Variants in OGFR observed in about 807,000 individuals in gnomAD.
OGFR encodes protein 7-60.
OGFR carries 18 observed loss-of-function variants against 33.6 expected under a neutral mutation model. That is an observed-to-expected ratio of 0.54 (90% CI 0.37 to 0.80). The LOEUF is 0.80. Ranked by LOEUF, OGFR falls within the 30% of genes least tolerant of loss-of-function variation. The probability of loss-of-function intolerance (pLI) is 0.00; values close to 1 mark genes in which losing one functional copy is unlikely to be tolerated. For missense variants in OGFR, 877 were observed against 955.8 expected (o/e 0.92, Z 1.09); for synonymous variants, 370 against 400.7 (o/e 0.92, Z 0.91).
rs1990760218 is a variant in OGFR at position 62,812,653 on chromosome 20, G to T, written c.1038G>T (p.Gln346His). 1 of 1,562,594 alleles carries T rather than the reference G, an allele frequency of 6.4e-7. No individual in the cohort carries two copies. Among genetic ancestry groups the T allele is most frequent in the East Asian group, 2.4e-5 (1 of 41,826 alleles). Reference sequence around the variant, plus strand: ...GGGGCAGGGTGGACGAGGGGCCCCAGCCACGGAGCGTGGAGCCCCAGGATG... The same window carrying T: ...GGGGCAGGGTGGACGAGGGGCCCCATCCACGGAGCGTGGAGCCCCAGGATG... The part of the protein sequence containing the change: ...KGGGRVDEGP[Q>H]PRSVEPQDAG... The change falls in exon 7 of 7, where the codon CAG becomes CAT. Residue 346 changes from glutamine to histidine, a missense_variant. By Grantham distance (24) the Gln-to-His change is conservative. Around this residue, in one of 3 missense-constraint regions of OGFR, gnomAD observed 760 missense variants for 736.0 expected, o/e 1.03. Coordinates refer to ENST00000290291, the MANE Select transcript of OGFR (RefSeq NM_007346.4).
At chr20:62,807,182 G>T in intron 1 of OGFR, 1 of 321,800 alleles carries the variant, frequency 3.1e-6, no homozygotes, top group Non-Finnish European at 5.8e-6. Context: ...AGGCCTAGGA[G>T]GAGGAGAGGG....
intron 2 of OGFR, 78 bp downstream of exon 2, chr20:62,807,683 C>T: frequency 6.9e-7 from 1 of 1,454,118 alleles, no homozygotes; most frequent in Non-Finnish European, 9.5e-7. Context: ...CCAGGTTCTA[C>T]TGGAAGGCTG....
chr20:62,804,872 G>C lies in OGFR; in HGVS notation c.13G>C (p.Asp5His). MDDPDCDSTWEEDEE... is the reference protein window; with the variant it reads MDDPHCDSTWEEDEE... ...GCCGCCGCCGAGCATGGACGACCCC[G>C]ACTGCGACTCCACCTGGGAGGAGGA... The change falls in exon 1 of 7, where the codon GAC (aspartate) becomes CAC (histidine). Residue 5 changes from aspartate (D) to histidine (H), a missense_variant. Physicochemically the swap from Asp to His is moderately conservative, Grantham distance 81. Coordinates refer to ENST00000290291, the MANE Select transcript of OGFR (RefSeq NM_007346.4). 1 of 1,315,150 alleles carries C rather than the reference G, an allele frequency of 7.6e-7. No homozygotes were observed. The highest frequency in any genetic ancestry group is 9.9e-7 in the Non-Finnish European group (1 of 1,009,030). The allele number at this position is 1,315,150 out of a possible 1,614,324, so 81.5% of individuals were successfully genotyped here.
In OGFR at chr20:62,812,845, C is replaced by G. The variant is rs766620602; in HGVS notation, c.1230C>G (p.Ile410Met). Residue 410 changes from isoleucine to methionine, a missense_variant, in exon 7 of 7, where the codon ATC becomes ATG. Transcript: ENST00000290291. ...GPQSASEVEK[I>M]ALNLEGCALS... is the part of the protein sequence containing the mutation. ...AGAGTGCCTCAGAGGTGGAGAAGAT[C>G]GCTCTGAATTTGGAGGGGTGTGCCC... The G allele has an allele frequency of 7.4e-6, 12 of 1,612,664 alleles. No individual in the cohort carries two copies. In the South Asian group the frequency reaches 1.1e-4, roughly 15 times the overall value.
intron 1 of OGFR, chr20:62,806,834 C>G (rs1449526370): frequency 6.5e-6 from 1 of 152,982 alleles, no homozygotes; most frequent in East Asian, 1.9e-4. Flanking sequence ...TACTTCCGGC[C>G]CTTTGCTCAG....
intron 3 of OGFR, 108 bp from the exon 4 acceptor site, chr20:62,809,477 G>A: frequency 1.2e-6 from 1 of 815,244 alleles, no homozygotes; most frequent in Non-Finnish European, 2.1e-6. Context: ...GAATAGCTTG[G>A]GGAAGCTGCT....
chr20:62,812,498 T>G lies in OGFR; in HGVS notation c.883T>G (p.Phe295Val), dbSNP rs1600777382. 1.9e-6 allele frequency: 3 copies of G among 1,580,794 alleles called. No homozygotes were observed. The highest frequency in any genetic ancestry group is 2.7e-5 in the African/African-American group (2 of 73,842). ...GGGGCCCCAAGACAAGCTGCGGAGGTTCAAGCCCAGCTCTCTGCCCCATCC... is the reference window on the plus strand; with the variant it reads ...GGGGCCCCAAGACAAGCTGCGGAGGGTCAAGCCCAGCTCTCTGCCCCATCC... ...VWGPQDKLRR[F>V]KPSSLPHPLE... Residue 295 changes from phenylalanine (F) to valine (V), a missense_variant, in exon 7 of 7, where the codon TTC becomes GTC. Phe to Val is a conservative substitution (Grantham distance 50, BLOSUM62 -1). Coordinates refer to ENST00000290291, the MANE Select transcript of OGFR (RefSeq NM_007346.4).
chr20:62,813,794 T>G lies in OGFR; in HGVS notation c.*145T>G. On this transcript the variant is annotated 3_prime_UTR_variant, in exon 7 of 7. Coordinates refer to ENST00000290291, the MANE Select transcript of OGFR (RefSeq NM_007346.4). ...GTGCTGGCCTCCTGTGGGGCCACTATAGCAGCCACCAGAAGCCGCGAGGCC... is the reference window on the plus strand; with the variant it reads ...GTGCTGGCCTCCTGTGGGGCCACTAGAGCAGCCACCAGAAGCCGCGAGGCC... 1.0e-6 allele frequency: 1 copy of G among 962,782 alleles called. No homozygotes were observed. The highest frequency in any genetic ancestry group is 1.6e-6 in the Non-Finnish European group (1 of 637,262). 59.6% of individuals were successfully genotyped at this position (962,782 alleles called of 1,614,324 possible).
chr20:62,812,817 C>G lies in OGFR; in HGVS notation c.1202C>G (p.Pro401Arg). ...GAGCAGCCGCCCACAGAGCCAGGCC[C>G]TCAGAGTGCCTCAGAGGTGGAGAAG... ...RREQPPTEPG[P>R]QSASEVEKIA... The change falls in exon 7 of 7, where the codon CCT (proline) becomes CGT (arginine). Residue 401 changes from proline (P) to arginine (R), a missense_variant. This residue lies in a region of OGFR where 760 missense variants were observed against 736.0 expected (regional missense o/e 1.03). Transcript: ENST00000290291. 6 of 1,612,696 alleles carry G rather than the reference C, an allele frequency of 3.7e-6. No homozygotes were observed. Among genetic ancestry groups the G allele is most frequent in the Non-Finnish European group, 5.1e-6 (6 of 1,179,882 alleles).
In OGFR at chr20:62,805,024, G is replaced by T. The variant is rs1274984235; in HGVS notation, c.165G>T (p.Ser55=). 15 of 1,394,290 alleles carry T rather than the reference G, an allele frequency of 1.1e-5. No individual in the cohort carries two copies. Among genetic ancestry groups the T allele is most frequent in the Non-Finnish European group, 1.2e-5 (13 of 1,078,908 alleles). The allele number at this position is 1,394,290 out of a possible 1,614,324, so 86.4% of individuals were successfully genotyped here. Residue 55 remains serine (S), a synonymous_variant, in exon 1 of 7, where the codon TCG becomes TCT. Transcript: ENST00000290291. The part of the protein sequence containing the change: ...SEEPRAARPS[S]FQSRMTGSRN... ...AGCCGCGGGCGGCGCGGCCCAGCTC[G>T]TTCCAGGTGCGGCCCCGCGGCGCGG...
At chr20:62,807,070 C>T in intron 1 of OGFR, 1 of 173,958 alleles carries the variant, frequency 5.7e-6, no homozygotes, top group Admixed American at 5.5e-5. Context: ...GGTGGTGAGG[C>T]CACTGCCCCC....
intron 5 of OGFR, 79 bp downstream of exon 5, chr20:62,810,644 C>T: frequency 2.1e-6 from 3 of 1,395,418 alleles, no homozygotes; most frequent in South Asian, 1.2e-5. Flanking sequence ...GACGGGGTCG[C>T]CTCTGGCAGT....
intron 3 of OGFR, among the ~76,000 whole-genome samples, chr20:62,809,037 A>G (rs1396540734): frequency 2.0e-5 from 3 of 151,454 alleles, no homozygotes; most frequent in Admixed American, 1.3e-4. Context: ...ATTATAAGAA[A>G]TTAAAATTTC....
rs1236662162 is a variant in OGFR at position 62,813,923 on chromosome 20, G to C, written c.*274G>C. On this transcript the variant is annotated 3_prime_UTR_variant, in exon 7 of 7. Coordinates refer to ENST00000290291, the MANE Select transcript of OGFR (RefSeq NM_007346.4). ...CTTTGTAAATTGACCCTTCTGGAGT[G>C]GGGGGCGGCGGGCAGGGCTGCTTTT... The C allele has an allele frequency of 5.4e-6, 3 of 553,684 alleles. No homozygotes were observed. In the South Asian group the frequency reaches 6.8e-5, roughly 12 times the overall value. 34.3% of individuals were successfully genotyped at this position (553,684 alleles called of 1,614,324 possible). A position where few individuals can be genotyped will look rare whatever the true frequency, so the allele number is the denominator to read the frequency against.
chr20:62,804,857 A>C lies in OGFR; in HGVS notation c.-3A>C, dbSNP rs1199439257. On this transcript the variant is annotated 5_prime_UTR_variant, in exon 1 of 7. Coordinates refer to ENST00000290291, the MANE Select transcript of OGFR (RefSeq NM_007346.4). ...TCCAGCGCGAGCCCCGCCGCCGCCG[A>C]GCATGGACGACCCCGACTGCGACTC... is the stretch of plus-strand genomic sequence containing the variant. 7.7e-7 allele frequency: 1 copy of C among 1,292,912 alleles called. No homozygotes were observed. The highest frequency in any genetic ancestry group is 1.0e-6 in the Non-Finnish European group (1 of 997,734). 80.1% of individuals were successfully genotyped at this position (1,292,912 alleles called of 1,614,324 possible). A position where few individuals can be genotyped will look rare whatever the true frequency, so the allele number is the denominator to read the frequency against.
intron 5 of OGFR, 99 bp from the exon 6 acceptor site, chr20:62,811,363 T>C (rs1990723676): frequency 7.7e-7 from 1 of 1,293,544 alleles, no homozygotes. Context: ...GTCTGTCTAG[T>C]CCAGGCCTCT....
In OGFR at chr20:62,810,479, G is replaced by A. The variant is rs762536638; in HGVS notation, c.399-20G>A. The A allele has an allele frequency of 1.9e-6, 3 of 1,612,686 alleles. No individual in the cohort carries two copies. Among genetic ancestry groups the A allele is most frequent in the Admixed American group, 3.3e-5 (2 of 60,008 alleles). ...AAGCGGCTCTCCTAATCCCTTGCCT[G>A]AGCATCTCTTCTCCTGCAGGCTGTT... On this transcript the variant is annotated intron_variant, in intron 4 of 6. Coordinates refer to ENST00000290291, the MANE Select transcript of OGFR (RefSeq NM_007346.4).
chr20:62,808,091 GA>G (rs1990637815), intron 2 of OGFR, 155 bp from the exon 3 acceptor site: 3 of 721,590 alleles, frequency 4.2e-6, no homozygotes, highest in African/African-American at 3.5e-5. Context: ...GCTGTCCTCT[GA>G]ATGGCCCCCA....
Position 62,811,585 on chromosome 20 carries a change from C to G in OGFR, c.589C>G (p.Gln197Glu). 1 of 1,596,302 alleles carries G rather than the reference C, an allele frequency of 6.3e-7. No homozygotes were observed. Among genetic ancestry groups the G allele is most frequent in the Non-Finnish European group, 8.5e-7 (1 of 1,172,364 alleles). The change falls in exon 6 of 7, where the codon CAG becomes GAG. Residue 197 changes from glutamine (Q) to glutamate (E), a missense_variant. By Grantham distance (29) the Gln-to-Glu change is conservative (BLOSUM62 2). Transcript: ENST00000290291. The stretch of plus-strand genomic sequence containing the variant: ...CACGGTGGGCCGAGCACAGAACTAC[C>G]AGAAGCGCTTCCAGAACCTGAACTG... The part of the protein sequence containing the change: ...TGTVGRAQNY[Q>E]KRFQNLNWRS...
Sources: gnomAD v4.1 joint callset for allele counts (sites outside exome capture counted in the v4.1 genomes callset) on GRCh38, gnomAD v4.1.1 for gene constraint, gnomAD v4.1.1 regional missense constraint, MANE v1.5 for transcripts, NCBI Gene and HGNC (gene_info 2026-07-23, HGNC 2026-07-21) for gene names.